The following RALYL variants were observed in gnomAD, a reference collection of about 807,000 sequenced individuals.
RALYL encodes the protein RALY RNA binding protein like, also known as RNA-binding Raly-like protein.
RALYL carries 29 observed loss-of-function variants against 35.1 expected under a neutral mutation model. The ratio of observed to expected loss-of-function variants is 0.83; its 90% CI spans 0.61 to 1.13. The LOEUF (loss-of-function observed/expected upper bound fraction) is 1.13, where lower values mean the gene tolerates loss of function less well. Among genes scored for constraint, RALYL ranks in the 50% most tolerant of loss-of-function variants. The pLI is 0.00. For missense variants in RALYL, 359 were observed against 360.4 expected (o/e 1.00, Z 0.03); for synonymous variants, 120 against 127.6 (o/e 0.94, Z 0.40).
chr8:84,638,143 G>T (rs949987654), intron 2 of RALYL, among the ~76,000 whole-genome samples: 1 of 151,816 alleles, frequency 6.6e-6, no homozygotes, highest in Non-Finnish European at 1.5e-5. Flanking sequence ...ATTTGGAAAT[G>T]AACTACCAAA....
chr8:84,700,191 G>A (rs894574150), intron 2 of RALYL, among the ~76,000 whole-genome samples: 1 of 151,920 alleles, frequency 6.6e-6, no homozygotes. Flanking sequence ...AGAAAGAGAA[G>A]CAACAAAAGC....
At chr8:84,261,158 TG>T (rs895304749) in intron 1 of RALYL, among the ~76,000 whole-genome samples, 6 of 151,904 alleles carry the variant, frequency 3.9e-5, no homozygotes, top group African/African-American at 1.5e-4. Context: ...TTTATTCAGG[TG>T]GAATTAATTT....
chr8:84,770,693 A>T (rs1222797451), intron 2 of RALYL, among the ~76,000 whole-genome samples: 1 of 152,114 alleles, frequency 6.6e-6, no homozygotes, highest in Non-Finnish European at 1.5e-5. Flanking sequence ...TTTTTACCAG[A>T]TTCATGCCAA....
intron 1 of RALYL, among the ~76,000 whole-genome samples, chr8:84,299,300 G>A (rs1216170876): frequency 6.6e-6 from 1 of 152,070 alleles, no homozygotes; most frequent in Non-Finnish European, 1.5e-5. Flanking sequence ...AACCAAACTT[G>A]CATCCTAGAA....
intron 2 of RALYL, among the ~76,000 whole-genome samples, chr8:84,543,264 AT>A (rs1434591979): frequency 2.0e-5 from 3 of 150,196 alleles, no homozygotes; most frequent in Non-Finnish European, 3.0e-5. Flanking sequence ...TGTCTTTTTT[AT>A]TGTTTTTTTT....
rs538911087 is a variant in RALYL at position 84,679,780 on chromosome 8, G to C, written c.257-94799G>C. 69 of 512,416 alleles carry C rather than the reference G, an allele frequency of 1.3e-4. No individual in the cohort carries two copies. In the East Asian group the frequency reaches 2.1e-3, roughly 16 times the overall value. The allele number at this position is 512,416 out of a possible 1,614,324, so 31.7% of individuals were successfully genotyped here. Reference sequence around the variant, plus strand: ...TTTGGATTCAGCACTGATGAAGCCAGGGAAATTGGATAGAAAGATTGAATT... The same window carrying C: ...TTTGGATTCAGCACTGATGAAGCCACGGAAATTGGATAGAAAGATTGAATT... On this transcript the variant is annotated intron_variant, in intron 2 of 8. Transcript: ENST00000521268.
At chr8:84,339,140 T>C (rs934470395) in intron 1 of RALYL, among the ~76,000 whole-genome samples, 2 of 151,976 alleles carry the variant, frequency 1.3e-5, no homozygotes, top group Non-Finnish European at 2.9e-5. Flanking sequence ...TTTGTACACA[T>C]GAGCAAATTT....
intron 2 of RALYL, among the ~76,000 whole-genome samples, chr8:84,746,614 T>A (rs1201707946): frequency 6.6e-6 from 1 of 151,930 alleles, no homozygotes; most frequent in Non-Finnish European, 1.5e-5. Context: ...TTCTCGTAAC[T>A]TGTGAGTAGA....
intron 2 of RALYL, among the ~76,000 whole-genome samples, chr8:84,763,761 T>A (rs921683091): frequency 3.9e-5 from 6 of 152,222 alleles, no homozygotes; most frequent in Admixed American, 2.6e-4. Context: ...TAACTTTTTT[T>A]AAAATCCAAA....
At chr8:84,391,214 A>G (rs1167351196) in intron 1 of RALYL, among the ~76,000 whole-genome samples, 1 of 151,964 alleles carries the variant, frequency 6.6e-6, no homozygotes, top group Non-Finnish European at 1.5e-5. Context: ...TCTGCATTTG[A>G]GAGGCCAGAG....
At chr8:84,706,638 G>A (rs183805088) in intron 2 of RALYL, among the ~76,000 whole-genome samples, 1 of 152,234 alleles carries the variant, frequency 6.6e-6, no homozygotes, top group East Asian at 1.9e-4. Flanking sequence ...GGAGTCATCT[G>A]CAGTCTTCCC....
intron 2 of RALYL, among the ~76,000 whole-genome samples, chr8:84,747,470 T>C (rs1179985601): frequency 6.6e-6 from 1 of 151,926 alleles, no homozygotes; most frequent in Non-Finnish European, 1.5e-5. Context: ...TTAATCTCAT[T>C]TACAGAGAGT....
chr8:84,687,481 A>G (rs1001694644), intron 2 of RALYL, among the ~76,000 whole-genome samples: 4 of 152,140 alleles, frequency 2.6e-5, no homozygotes, highest in Admixed American at 6.6e-5. Flanking sequence ...GCCTTATTCC[A>G]CATGGATGAT....
chr8:84,437,018 CCCT>C (rs1396304668), intron 1 of RALYL, among the ~76,000 whole-genome samples: 2 of 152,044 alleles, frequency 1.3e-5, no homozygotes, highest in African/African-American at 2.4e-5. Flanking sequence ...AACCCTTGCT[CCCT>C]CCTCCTTACC....
chr8:84,639,118 C>T (rs1336085973), intron 2 of RALYL, among the ~76,000 whole-genome samples: 1 of 150,366 alleles, frequency 6.7e-6, no homozygotes, highest in Non-Finnish European at 1.5e-5. Context: ...CAGAACTAGT[C>T]CATGGTTGGT....
chr8:84,718,780 G>C (rs1843359140), intron 2 of RALYL, among the ~76,000 whole-genome samples: 1 of 151,692 alleles, frequency 6.6e-6, no homozygotes, highest in Non-Finnish European at 1.5e-5. Context: ...AAAAGAAAAA[G>C]AAAGAAAAGA....
intron 1 of RALYL, among the ~76,000 whole-genome samples, chr8:84,383,209 G>T (rs1858391495): frequency 6.6e-6 from 1 of 151,742 alleles, no homozygotes; most frequent in African/African-American, 2.4e-5. Flanking sequence ...GAAGACACAG[G>T]TTAATACATG....
intron 5 of RALYL, among the ~76,000 whole-genome samples, 190 bp from the exon 6 acceptor site, chr8:84,862,106 T>C (rs760608434): frequency 2.6e-5 from 4 of 152,268 alleles, no homozygotes; most frequent in Non-Finnish European, 5.9e-5. Context: ...GCATAGACTA[T>C]ATTAGCATCT....
chr8:84,191,014 G>T (rs939375346), intron 1 of RALYL, among the ~76,000 whole-genome samples: 1 of 151,754 alleles, frequency 6.6e-6, no homozygotes, highest in African/African-American at 2.4e-5. Flanking sequence ...TGCTGCATAG[G>T]CTCAAAAGAA....
Sources: gnomAD v4.1 joint callset for allele counts (sites outside exome capture counted in the v4.1 genomes callset) on GRCh38, gnomAD v4.1.1 for gene constraint, MANE v1.5 for transcripts, NCBI Gene and HGNC (gene_info 2026-07-23, HGNC 2026-07-21) for gene names.